NME8: variants seen among roughly 807,000 people sequenced by gnomAD.
The protein encoded by NME8 is protein NME8.
In NME8, 72 loss-of-function variants were observed where a neutral mutation model predicts 82.3. That is an observed-to-expected ratio of 0.87 (90% CI 0.72 to 1.06). The LOEUF is 1.06. NME8 is among the 50% of genes least tolerant of loss of function. NME8 has a pLI of 0.00. For missense variants in NME8, 712 were observed against 685.4 expected, an observed-to-expected ratio of 1.04 and a Z score of -0.43; for synonymous variants, 267 against 228.5, an observed-to-expected ratio of 1.17 and a Z score of -1.52.
At chr7:37,881,368 T>C (rs368577286) in intron 12 of NME8, among the ~76,000 whole-genome samples, 7 of 152,290 alleles carry the variant, frequency 4.6e-5, no homozygotes, top group African/African-American at 1.7e-4. Flanking sequence ...TTATCATGAA[T>C]TGGTATTAAA....
chr7:37,866,025 G>GGCTGCCCCC, intron 10 of NME8, among the ~76,000 whole-genome samples: 1 of 151,702 alleles, frequency 6.6e-6, no homozygotes, highest in African/African-American at 2.4e-5. Flanking sequence ...AGGCTGCCCC[G>GGCTGCCCCC]ACCCCAACTG....
rs1784628222 is a variant in NME8 at position 37,863,436 on chromosome 7, G to A, written c.428G>A (p.Ser143Asn). 1 of 1,601,252 alleles carries A rather than the reference G, an allele frequency of 6.2e-7. No individual in the cohort carries two copies. Among genetic ancestry groups the A allele is most frequent in the East Asian group, 2.2e-5 (1 of 44,784 alleles). ...TTAGTAGACTCAGATTCAGAAGTTA[G>A]TGAAGAATCACCATGTGAAAGTGTT... ...IPLVDSDSEVSEESPCESVQE... is the reference protein window; with the variant it reads ...IPLVDSDSEVNEESPCESVQE... The change falls in exon 8 of 18, where the codon AGT becomes AAT. Residue 143 changes from serine (S) to asparagine (N), a missense_variant. Physicochemically the swap from Ser to Asn is conservative, Grantham distance 46. Transcript: ENST00000199447.
At chr7:37,864,237 G>A (rs947804666) in intron 8 of NME8, 111 bp from the exon 9 acceptor site, 2 of 1,322,000 alleles carry the variant, frequency 1.5e-6, no homozygotes, top group Non-Finnish European at 2.1e-6. Flanking sequence ...CTATCAATGG[G>A]CAACAATTAA....
In NME8 at chr7:37,864,427, TA is replaced by T; in HGVS notation, c.528+8del. ...TTCTAGAAATTAAAAGAAAAGTAAGTAATATTTTCCAACTATGATTAAATTA... is the reference window on the plus strand; with the variant it reads ...TTCTAGAAATTAAAAGAAAAGTAAGTATATTTTCCAACTATGATTAAATTA... On this transcript the variant is annotated splice_region_variant and intron_variant, in intron 9 of 17. Coordinates refer to ENST00000199447, the MANE Select transcript of NME8 (RefSeq NM_016616.5). 1 of 1,565,172 alleles carries T rather than the reference TA, an allele frequency of 6.4e-7. No homozygotes were observed. The highest frequency in any genetic ancestry group is 1.1e-5 in the South Asian group (1 of 88,912).
At chr7:37,861,298 C>A (rs1739353948) in intron 6 of NME8, among the ~76,000 whole-genome samples, 1 of 152,202 alleles carries the variant, frequency 6.6e-6, no homozygotes, top group African/African-American at 2.4e-5. Context: ...CACTTGCCAT[C>A]TTCCCTTCCA....
At chr7:37,897,924 A>G (rs1260706352) in intron 17 of NME8, among the ~76,000 whole-genome samples, 1 of 152,084 alleles carries the variant, frequency 6.6e-6, no homozygotes, top group Non-Finnish European at 1.5e-5. Context: ...GGTTGGTGCC[A>G]TGTCTTTGCT....
chr7:37,861,645 A>G (rs922940983), intron 6 of NME8, among the ~76,000 whole-genome samples: 1 of 152,202 alleles, frequency 6.6e-6, no homozygotes, highest in African/African-American at 2.4e-5. Context: ...CAGGTGTTAA[A>G]AGATGAGTGA....
At chr7:37,851,075 T>C (rs1243268138) in intron 5 of NME8, among the ~76,000 whole-genome samples, 1 of 152,234 alleles carries the variant, frequency 6.6e-6, no homozygotes, top group Admixed American at 6.5e-5. Flanking sequence ...CTGGGTATCA[T>C]TGAGTAGTGC....
intron 10 of NME8, among the ~76,000 whole-genome samples, chr7:37,867,445 T>A (rs73119069): frequency 1.3e-5 from 2 of 152,090 alleles, no homozygotes; most frequent in Non-Finnish European, 2.9e-5. Context: ...TTTACCCTGC[T>A]CTGGTTATTA....
At position 37,884,313 on chromosome 7, in the gene NME8, G is replaced by T; in HGVS notation, c.1005G>T (p.Leu335Phe). 1 of 1,580,940 alleles carries T rather than the reference G, an allele frequency of 6.3e-7. No homozygotes were observed. The highest frequency in any genetic ancestry group is 1.7e-5 in the Admixed American group (1 of 59,916). ...ACTGTTTTTATTTAGATGATGTTTT[G>T]CGTATTATTAAAGATGAAGACTTCA... ...NLFHERKDDV[L>F]RIIKDEDFKI... Residue 335 changes from leucine (L) to phenylalanine (F), a missense_variant, in exon 13 of 18, where the codon TTG becomes TTT. By Grantham distance (22) the Leu-to-Phe change is conservative. Transcript: ENST00000199447.
intron 11 of NME8, among the ~76,000 whole-genome samples, chr7:37,870,245 T>A (rs1484382046): frequency 1.4e-5 from 2 of 145,218 alleles, no homozygotes; most frequent in African/African-American, 2.5e-5. Context: ...CTGATGAACT[T>A]AAAAAAAAAA....
chr7:37,882,621 AAGAAAGAAAGAAAGAAAGAAAG>A lies in NME8; in HGVS notation c.995-1666_995-1645del, dbSNP rs1331558256. Among the ~76,000 whole-genome samples, 415 of 57,264 alleles carry A rather than the reference AAGAAAGAAAGAAAGAAAGAAAG, an allele frequency of 7.2e-3. 10 individuals are homozygous for A. The highest frequency in any genetic ancestry group is 0.017 in the South Asian group (32 of 1,894). The allele number at this position is 57,264 out of a possible 152,430, so 37.6% of individuals were successfully genotyped here. ...AAAGAGAGAGAGAGAGAGAGAAAGA[AAGAAAGAAAGAAAGAAAGAAAG>A]AGAAAGAAAGAAAGAGAAAGAAAGA... On this transcript the variant is annotated intron_variant, in intron 12 of 17. Transcript: ENST00000199447.
At chr7:37,892,028 AT>A (rs918314190) in intron 15 of NME8, among the ~76,000 whole-genome samples, 15 of 151,676 alleles carry the variant, frequency 9.9e-5, no homozygotes, top group South Asian at 4.2e-4. Context: ...CTAGGCTCAC[AT>A]TTTTTTTCTT....
chr7:37,880,723 G>A (rs1267316548), intron 12 of NME8, among the ~76,000 whole-genome samples: 1 of 152,140 alleles, frequency 6.6e-6, no homozygotes, highest in Admixed American at 6.5e-5. Flanking sequence ...TACAGACCAA[G>A]TTGGGAAAAA....
chr7:37,857,240 A>G, intron 5 of NME8, 34 bp from the exon 6 acceptor site: 2 of 1,491,028 alleles, frequency 1.3e-6, no homozygotes, highest in East Asian at 2.3e-5. Flanking sequence ...ATATAGTTTT[A>G]TTTATTATTA....
chr7:37,865,057 T>C (rs1248683290), intron 9 of NME8, among the ~76,000 whole-genome samples: 1 of 152,196 alleles, frequency 6.6e-6, no homozygotes, highest in Non-Finnish European at 1.5e-5. Flanking sequence ...TCCTGGCCCC[T>C]ACCAAATGTC....
chr7:37,874,131 G>C (rs1278760911), intron 11 of NME8, among the ~76,000 whole-genome samples: 6 of 151,896 alleles, frequency 4.0e-5, no homozygotes, highest in African/African-American at 1.5e-4. Context: ...AATAAGTGAG[G>C]ATATACTCAA....
chr7:37,850,695 A>G lies in NME8; in HGVS notation c.158A>G (p.Lys53Arg), dbSNP rs1464535104. The change falls in exon 5 of 18, where the codon AAA becomes AGA. Residue 53 changes from lysine to arginine, a missense_variant. Lys to Arg is a conservative substitution (Grantham distance 26). Transcript: ENST00000199447. The part of the protein sequence containing the change: ...RAMQPLFRKL[K>R]NELNEDEILH... ...ATGCAACCTTTATTCAGAAAATTGA[A>G]AAATGAACTGAACGAAGACGAAATT... 1.9e-6 allele frequency: 3 copies of G among 1,613,862 alleles called. No individual in the cohort carries two copies. The Admixed American group carries it at 5.0e-5, about 27-fold the overall frequency.
intron 12 of NME8, among the ~76,000 whole-genome samples, chr7:37,877,970 TC>T (rs1172679066): frequency 2.0e-5 from 3 of 152,214 alleles, no homozygotes; most frequent in Non-Finnish European, 4.4e-5. Context: ...GCCTTTTATT[TC>T]TTTTTCTTTC....
Sources: allele counts gnomAD v4.1 joint callset (sites outside exome capture counted in the v4.1 genomes callset), GRCh38; gene constraint gnomAD v4.1.1; transcripts MANE v1.5; gene names NCBI Gene and HGNC (gene_info 2026-07-23, HGNC 2026-07-21).